Variants in B3GALT1 observed in about 807,000 individuals in gnomAD.
B3GALT1 encodes beta-1,3-galactosyltransferase 1.
B3GALT1 carries 10 observed loss-of-function variants against 23.2 expected under a neutral mutation model. That is an observed-to-expected ratio of 0.43 (90% CI 0.27 to 0.73). The LOEUF is 0.73. B3GALT1 is among the 30% of genes least tolerant of loss of function. B3GALT1 has a pLI of 0.21. For missense variants in B3GALT1, 299 were observed against 405.4 expected, an observed-to-expected ratio of 0.74 and a Z score of 2.25; for synonymous variants, 156 against 141.5, an observed-to-expected ratio of 1.10 and a Z score of -0.73.
chr2:167,418,922 T>A (rs1220097013), intron 1 of B3GALT1, among the ~76,000 whole-genome samples: 1 of 152,180 alleles, frequency 6.6e-6, no homozygotes, highest in Non-Finnish European at 1.5e-5. Flanking sequence ...CATTGGCGAG[T>A]ACTGTTATTG....
At chr2:167,689,703 G>A (rs1028876156) in intron 3 of B3GALT1, among the ~76,000 whole-genome samples, 1 of 152,070 alleles carries the variant, frequency 6.6e-6, no homozygotes, top group Non-Finnish European at 1.5e-5. Flanking sequence ...AGCGAGACAG[G>A]CATATGATCA....
At chr2:167,804,740 G>A (rs933336642) in intron 3 of B3GALT1, among the ~76,000 whole-genome samples, 5 of 152,122 alleles carry the variant, frequency 3.3e-5, no homozygotes, top group African/African-American at 1.2e-4. Context: ...TGGACATTTG[G>A]CTTGGTTCCA....
intron 1 of B3GALT1, among the ~76,000 whole-genome samples, chr2:167,443,665 CTCTG>C (rs1178315556): frequency 6.6e-6 from 1 of 151,870 alleles, no homozygotes; most frequent in Non-Finnish European, 1.5e-5. Flanking sequence ...TGATTTGGCT[CTCTG>C]TCTGTTATGG....
intron 2 of B3GALT1, among the ~76,000 whole-genome samples, chr2:167,543,413 TTA>T (rs1240138467): frequency 1.3e-5 from 2 of 152,196 alleles, no homozygotes; most frequent in African/African-American, 4.8e-5. Context: ...GTATAAATGC[TTA>T]TGACATGATT....
chr2:167,327,056 C>T (rs144441346), intron 1 of B3GALT1, among the ~76,000 whole-genome samples: 3 of 152,074 alleles, frequency 2.0e-5, no homozygotes, highest in South Asian at 2.1e-4. Context: ...TGTTGAAGAT[C>T]GGTTTGCTAT....
At chr2:167,774,497 G>GTTTTTTTTTTTTTTTTTTT (rs397986581) in intron 3 of B3GALT1, among the ~76,000 whole-genome samples, 2 of 82,990 alleles carry the variant, frequency 2.4e-5, no homozygotes, top group African/African-American at 4.8e-5. Context: ...TTTTTTTTTT[G>GTTTTTTTTTTTTTTTTTTT]TTTTTTTTTT....
intron 3 of B3GALT1, among the ~76,000 whole-genome samples, chr2:167,701,874 C>G (rs1431357038): frequency 6.6e-6 from 1 of 152,142 alleles, no homozygotes; most frequent in Non-Finnish European, 1.5e-5. Flanking sequence ...TTTGTGAGCT[C>G]TTTGGTGCTT....
chr2:167,313,708 G>C (rs994794682), intron 1 of B3GALT1, among the ~76,000 whole-genome samples: 4 of 152,052 alleles, frequency 2.6e-5, no homozygotes, highest in Admixed American at 1.3e-4. Context: ...GGTGGTCTCT[G>C]GTCCTATTTC....
rs78132182 is a variant in B3GALT1 at position 167,694,700 on chromosome 2, G to C, written c.-352+47734G>C. ...AGGTCTAGGTATAAAGTTCTTTAGTGTTATTTCCACCACATTCTGTTGGTG... is the reference window on the plus strand; with the variant it reads ...AGGTCTAGGTATAAAGTTCTTTAGTCTTATTTCCACCACATTCTGTTGGTG... On this transcript the variant is annotated intron_variant, in intron 3 of 4. Coordinates refer to ENST00000392690, the MANE Select transcript of B3GALT1 (RefSeq NM_020981.4). 7.7e-3 allele frequency among the ~76,000 whole-genome samples: 1,179 copies of C among 152,178 alleles called. 18 individuals carry two copies. Among genetic ancestry groups the C allele is most frequent in the African/African-American group, 0.027 (1,112 of 41,512 alleles).
At chr2:167,724,395 G>A (rs1041580558) in intron 3 of B3GALT1, among the ~76,000 whole-genome samples, 2 of 152,042 alleles carry the variant, frequency 1.3e-5, no homozygotes, top group Non-Finnish European at 2.9e-5. Flanking sequence ...CTACAAACTC[G>A]GAAACCAAAC....
chr2:167,851,945 C>A (rs960688492), intron 4 of B3GALT1, among the ~76,000 whole-genome samples: 2 of 152,134 alleles, frequency 1.3e-5, no homozygotes, highest in Non-Finnish European at 2.9e-5. Context: ...GCTCCTATTA[C>A]CCAAAAATGC....
chr2:167,782,233 C>T (rs141643511), intron 3 of B3GALT1, among the ~76,000 whole-genome samples: 4 of 152,222 alleles, frequency 2.6e-5, no homozygotes, highest in South Asian at 4.1e-4. Context: ...TGAGCAGCAC[C>T]CACAGAGCAG....
chr2:167,524,094 A>G (rs1255538247), intron 2 of B3GALT1, among the ~76,000 whole-genome samples: 1 of 152,186 alleles, frequency 6.6e-6, no homozygotes, highest in Non-Finnish European at 1.5e-5. Flanking sequence ...CCAGTAGTTC[A>G]CCAGAGTTTA....
intron 1 of B3GALT1, among the ~76,000 whole-genome samples, chr2:167,299,993 C>A (rs1024163306): frequency 1.3e-5 from 2 of 152,086 alleles, no homozygotes; most frequent in Non-Finnish European, 2.9e-5. Context: ...ACCTCTTCCT[C>A]CCGGGTTCAA....
At chr2:167,359,523 T>C (rs1418840891) in intron 1 of B3GALT1, among the ~76,000 whole-genome samples, 2 of 152,238 alleles carry the variant, frequency 1.3e-5, no homozygotes, top group African/African-American at 4.8e-5. Context: ...GTGATTCTAA[T>C]ACAGGATATC....
At chr2:167,629,063 A>G (rs533422263) in intron 2 of B3GALT1, among the ~76,000 whole-genome samples, 3 of 151,760 alleles carry the variant, frequency 2.0e-5, no homozygotes, top group African/African-American at 7.2e-5. Context: ...AACCTCTCTG[A>G]GTTATATTGT....
chr2:167,628,559 T>C (rs1685386747), intron 2 of B3GALT1, among the ~76,000 whole-genome samples: 1 of 151,538 alleles, frequency 6.6e-6, no homozygotes, highest in African/African-American at 2.4e-5. Context: ...TTCTGTAGAG[T>C]GGTAAAAATA....
chr2:167,678,421 G>A (rs1281075289), intron 3 of B3GALT1, among the ~76,000 whole-genome samples: 1 of 152,122 alleles, frequency 6.6e-6, no homozygotes, highest in African/African-American at 2.4e-5. Flanking sequence ...TAGGAAGTGG[G>A]AGCATCACAA....
chr2:167,330,032 G>A (rs542293300), intron 1 of B3GALT1, among the ~76,000 whole-genome samples: 1 of 152,176 alleles, frequency 6.6e-6, no homozygotes, highest in South Asian at 2.1e-4. Context: ...GGACACATCT[G>A]TGCCTCCTGT....
Sources: gnomAD v4.1 joint callset for allele counts (sites outside exome capture counted in the v4.1 genomes callset) on GRCh38, gnomAD v4.1.1 for gene constraint, MANE v1.5 for transcripts, NCBI Gene and HGNC (gene_info 2026-07-23, HGNC 2026-07-21) for gene names.